Variants in ASB2 observed in about 807,000 individuals in gnomAD.
ASB2 encodes the protein ankyrin repeat and SOCS box containing 2.
Under a neutral mutation model 62.4 loss-of-function variants are expected in ASB2, and 58 were observed. That is an observed-to-expected ratio of 0.93 (90% CI 0.75 to 1.16). The LOEUF (loss-of-function observed/expected upper bound fraction) is 1.16, where lower values mean the gene tolerates loss of function less well. Ranked by LOEUF, ASB2 falls within the 50% of genes most tolerant of loss-of-function variation. The pLI, the probability that ASB2 is intolerant of heterozygous loss-of-function variation, is 0.00. For missense variants in ASB2, 928 were observed against 887.9 expected (o/e 1.05, Z -0.57); for synonymous variants, 386 against 385.3 (o/e 1.00, Z -0.02).
At chr14:93,968,914 C>T (rs896700650) in intron 1 of ASB2, among the ~76,000 whole-genome samples, 2 of 152,180 alleles carry the variant, frequency 1.3e-5, no homozygotes, top group Admixed American at 6.5e-5. Context: ...GGAAGCACAG[C>T]TGTTATGGAG....
intron 8 of ASB2, 128 bp from the exon 9 acceptor site, chr14:93,937,979 T>C: frequency 2.0e-6 from 2 of 990,106 alleles, no homozygotes; most frequent in Non-Finnish European, 1.4e-6. Context: ...CCCTGAACCA[T>C]GTCCCCTCAA....
intron 2 of ASB2, 146 bp from the exon 3 acceptor site, chr14:93,957,016 C>A (rs371389301): frequency 1.4e-5 from 22 of 1,533,790 alleles, no homozygotes; most frequent in Non-Finnish European, 1.7e-5. Flanking sequence ...AGCAGATGGC[C>A]GGGTCCTCTG....
chr14:93,955,274 G>A (rs1227884261), intron 3 of ASB2: 2 of 413,394 alleles, frequency 4.8e-6, no homozygotes, highest in East Asian at 7.1e-5. Context: ...TGGGCTCTGG[G>A]CGGTCTCTGC....
At chr14:93,944,031 A>G (rs932238329) in intron 7 of ASB2, 11 of 455,848 alleles carry the variant, frequency 2.4e-5, no homozygotes, top group African/African-American at 2.0e-4. Context: ...TTGGCCACAG[A>G]AGAGGCTCTA....
intron 2 of ASB2, chr14:93,957,223 G>A (rs141689443): frequency 2.8e-4 from 355 of 1,251,804 alleles, no homozygotes; most frequent in African/African-American, 2.1e-3. Context: ...AGCCGTGGTC[G>A]GCAGGTCCCA....
intron 3 of ASB2, chr14:93,955,012 G>A (rs1889127419): frequency 2.2e-6 from 1 of 456,406 alleles, no homozygotes; most frequent in Non-Finnish European, 4.4e-6. Flanking sequence ...AAAGATTTGA[G>A]GGCTAAAGTG....
At chr14:93,957,053 C>A (rs576672194) in intron 2 of ASB2, 183 bp from the exon 3 acceptor site, 1 of 1,473,778 alleles carries the variant, frequency 6.8e-7, no homozygotes. Context: ...GCTGTGTCTC[C>A]GGATTATTTT....
chr14:93,957,442 G>A (rs1889266359), intron 2 of ASB2: 25 of 977,344 alleles, frequency 2.6e-5, no homozygotes, highest in Non-Finnish European at 2.9e-5. Context: ...ATTATAGGAT[G>A]CATGAGGAAG....
chr14:93,974,992 G>A (rs549805043), intron 1 of ASB2, among the ~76,000 whole-genome samples: 1 of 152,242 alleles, frequency 6.6e-6, no homozygotes. Flanking sequence ...ACCCAGCGGA[G>A]CTGCTGCCAG....
Position 93,934,746 on chromosome 14 carries a change from C to T in ASB2, c.1818G>A (p.Lys606=), listed in dbSNP as rs1422316402. ...LAHLCRLRVR[K]AIGKYRIKLL... Reference sequence around the variant, plus strand: ...GTTTTATACGGTATTTCCCAATGGCCTTTCGAACCCGCAGTCGGCAAAGGT... The same window carrying T: ...GTTTTATACGGTATTTCCCAATGGCTTTTCGAACCCGCAGTCGGCAAAGGT... Residue 606 remains lysine (K), a synonymous_variant, in exon 10 of 10, where the codon AAG becomes AAA. Transcript: ENST00000555019. 6.2e-7 allele frequency: 1 copy of T among 1,613,802 alleles called. No individual in the cohort carries two copies. Among genetic ancestry groups the T allele is most frequent in the South Asian group, 1.1e-5 (1 of 91,066 alleles).
chr14:93,944,523 A>G (rs1228829741), intron 7 of ASB2, among the ~76,000 whole-genome samples: 4 of 152,190 alleles, frequency 2.6e-5, no homozygotes, highest in Non-Finnish European at 5.9e-5. Context: ...TGGAATGCCT[A>G]TGGAATGTCA....
At chr14:93,953,690 C>T (rs2141295756) in intron 4 of ASB2, among the ~76,000 whole-genome samples, 183 bp from the exon 5 acceptor site, 1 of 152,360 alleles carries the variant, frequency 6.6e-6, no homozygotes, top group South Asian at 2.1e-4. Context: ...TCGTACACGT[C>T]CAAGCTCAGA....
At chr14:93,945,317 G>A (rs1422658855) in intron 7 of ASB2, among the ~76,000 whole-genome samples, 1 of 152,132 alleles carries the variant, frequency 6.6e-6, no homozygotes, top group East Asian at 1.9e-4. Flanking sequence ...ATGATTTGTG[G>A]AACTCAAGAG....
chr14:93,969,325 T>G (rs58461978), intron 1 of ASB2, among the ~76,000 whole-genome samples: 1,762 of 152,306 alleles, frequency 0.012, 14 homozygotes, highest in Middle Eastern at 0.034. Context: ...GGGGAAGTTA[T>G]GAAGCAGCGT....
In ASB2 at chr14:93,953,373, G is replaced by C. The variant is rs567886642; in HGVS notation, c.613C>G (p.Arg205Gly). Residue 205 changes from arginine to glycine, a missense_variant, in exon 5 of 10, where the codon CGA becomes GGA. Transcript: ENST00000555019. ...TCACCTTTGTAGAGCGGTGTCTCTCGGGATTTGTTGGAGATGTCCGGCTCT... is the reference window on the plus strand; with the variant it reads ...TCACCTTTGTAGAGCGGTGTCTCTCCGGATTTGTTGGAGATGTCCGGCTCT... ...GAEPDISNKS[R>G]ETPLYKACER... The C allele has an allele frequency of 1.3e-6, 2 of 1,590,290 alleles. No individual in the cohort carries two copies. Among genetic ancestry groups the C allele is most frequent in the African/African-American group, 1.3e-5 (1 of 74,636 alleles).
At chr14:93,975,009 G>C (rs1386792442) in intron 1 of ASB2, among the ~76,000 whole-genome samples, 1 of 152,214 alleles carries the variant, frequency 6.6e-6, no homozygotes, top group Non-Finnish European at 1.5e-5. Context: ...CCAGCTTCTT[G>C]GGGACGCTGT....
intron 1 of ASB2, among the ~76,000 whole-genome samples, chr14:93,970,562 G>A (rs888569431): frequency 6.6e-5 from 10 of 152,102 alleles, no homozygotes; most frequent in Admixed American, 2.6e-4. Flanking sequence ...GGACTATGTC[G>A]CACTCATGTT....
At position 93,939,200 on chromosome 14, in the gene ASB2, G is replaced by A; in HGVS notation, c.1525C>T (p.Leu509Phe). Reference sequence around the variant, plus strand: ...GGCGGGTGCGGGCCGTTGCCGTAGAGGCATGAGAAGCAGGGCTCGCCGTCG... The same window carrying A: ...GGCGGGTGCGGGCCGTTGCCGTAGAAGCATGAGAAGCAGGGCTCGCCGTCG... ...GCDGEPCFSC[L>F]YGNGPHPPAP... The change falls in exon 8 of 10, where the codon CTC becomes TTC. Residue 509 changes from leucine (L) to phenylalanine (F), a missense_variant. Coordinates refer to ENST00000555019, the MANE Select transcript of ASB2 (RefSeq NM_001202429.2). The A allele has an allele frequency of 1.2e-6, 2 of 1,606,108 alleles. No homozygotes were observed. The highest frequency in any genetic ancestry group is 3.3e-5 in the Admixed American group (2 of 59,770).
rs144093482 is a variant in ASB2, at chr14:93,957,779, G to T, written c.207-909C>A. On this transcript the variant is annotated intron_variant, in intron 2 of 9. Coordinates refer to ENST00000555019, the MANE Select transcript of ASB2 (RefSeq NM_001202429.2). Reference sequence around the variant, plus strand: ...AGAGCCGGAAGGAGGTGGGATGGCCGCTCCACAAATCTGAGTTGGCCTGGG... The same window carrying T: ...AGAGCCGGAAGGAGGTGGGATGGCCTCTCCACAAATCTGAGTTGGCCTGGG... Among the ~76,000 whole-genome samples, 162 of 152,258 alleles carry T rather than the reference G, an allele frequency of 1.1e-3. 1 individual carries two copies. The highest frequency in any genetic ancestry group is 3.6e-3 in the African/African-American group (151 of 41,524).
Sources: allele counts gnomAD v4.1 joint callset (sites outside exome capture counted in the v4.1 genomes callset), GRCh38; gene constraint gnomAD v4.1.1; transcripts MANE v1.5; gene names NCBI Gene and HGNC (gene_info 2026-07-23, HGNC 2026-07-21).